GLRA2: variants seen among roughly 807,000 people sequenced by gnomAD.
GLRA2 encodes glycine receptor subunit alpha-2.
In GLRA2, 11 loss-of-function variants were observed where a neutral mutation model predicts 31.6. The ratio of observed to expected loss-of-function variants is 0.35; its 90% CI spans 0.22 to 0.58. The LOEUF (loss-of-function observed/expected upper bound fraction) is 0.58, where lower values mean the gene tolerates loss of function less well. GLRA2 is among the 20% of genes least tolerant of loss of function. The probability of loss-of-function intolerance (pLI) is 0.84; values close to 1 mark genes in which losing one functional copy is unlikely to be tolerated. For synonymous variants in GLRA2, 132 were observed against 134.0 expected, an observed-to-expected ratio of 0.99 and a Z score of 0.10; for missense variants, 212 against 351.8, an observed-to-expected ratio of 0.60 and a Z score of 3.18.
At chrX:14,617,409 C>A (rs751918571) in intron 7 of GLRA2, among the ~76,000 whole-genome samples, 3 of 111,748 alleles carry the variant, frequency 2.7e-5, no homozygotes, top group Non-Finnish European at 5.7e-5. Flanking sequence ...GCAGTAAAGG[C>A]AGATTTTTTT....
the GLRA2 span, among the ~76,000 whole-genome samples, chrX:14,454,579 A>T: frequency 9.1e-6 from 1 of 109,895 alleles, no homozygotes; most frequent in African/African-American, 3.3e-5. Context: ...GTAAAAAAAA[A>T]AAAAAAGCGT....
At chrX:14,607,339 T>C in intron 6 of GLRA2, 71 bp downstream of exon 6, 1 of 835,663 alleles carries the variant, frequency 1.2e-6, no homozygotes, top group East Asian at 3.2e-5. Context: ...GGAGTATACA[T>C]CTCATTACTC....
At chrX:14,547,290 T>A (rs2089495012) in intron 2 of GLRA2, among the ~76,000 whole-genome samples, 1 of 111,245 alleles carries the variant, frequency 9.0e-6, no homozygotes, top group African/African-American at 3.3e-5. Context: ...AGCTGAGCTG[T>A]CACCCAAGGG....
At chrX:14,490,603 C>A in the GLRA2 span, among the ~76,000 whole-genome samples, 5 of 111,970 alleles carry the variant, frequency 4.5e-5, no homozygotes, top group Non-Finnish European at 9.4e-5. Context: ...TATCAGCTTG[C>A]AAAATTCATG....
intron 8 of GLRA2, among the ~76,000 whole-genome samples, chrX:14,696,419 T>C (rs1302470108): frequency 9.0e-6 from 1 of 111,615 alleles, no homozygotes; most frequent in African/African-American, 3.3e-5. Context: ...TGATCATAAA[T>C]AAGCATGTGT....
chrX:14,720,846 G>A, intron 8 of GLRA2, among the ~76,000 whole-genome samples: 1 of 110,845 alleles, frequency 9.0e-6, no homozygotes, highest in South Asian at 3.8e-4. Context: ...ACTGTTGGGG[G>A]CAGGGCTGGG....
the GLRA2 span, among the ~76,000 whole-genome samples, chrX:14,498,509 T>A: frequency 4.5e-5 from 5 of 110,828 alleles, no homozygotes; most frequent in East Asian, 1.4e-3. Flanking sequence ...ATATACATAT[T>A]TTGAGGGCAC....
the GLRA2 span, among the ~76,000 whole-genome samples, chrX:14,516,156 A>T: frequency 9.0e-6 from 1 of 110,972 alleles, no homozygotes; most frequent in African/African-American, 3.3e-5. Flanking sequence ...CATATAGTAG[A>T]GGGTCTTCAA....
chrX:14,658,112 A>G (rs1354972556), intron 7 of GLRA2, among the ~76,000 whole-genome samples: 1 of 111,639 alleles, frequency 9.0e-6, no homozygotes, highest in Non-Finnish European at 1.9e-5. Context: ...CATATTGCAT[A>G]TCTTCCTGAG....
chrX:14,590,530 T>A, intron 4 of GLRA2, among the ~76,000 whole-genome samples: 1 of 112,150 alleles, frequency 8.9e-6, no homozygotes, highest in Non-Finnish European at 1.9e-5. Flanking sequence ...TCTATTTAGA[T>A]GTCAGAGCCA....
At chrX:14,715,746 C>G (rs1170744947) in intron 8 of GLRA2, among the ~76,000 whole-genome samples, 1 of 111,307 alleles carries the variant, frequency 9.0e-6, no homozygotes, top group Non-Finnish European at 1.9e-5. Context: ...GTCATGTAAT[C>G]CTATGAGAGA....
intron 4 of GLRA2, 138 bp from the exon 5 acceptor site, chrX:14,604,177 C>T (rs1601756296): frequency 5.9e-6 from 2 of 341,098 alleles, no homozygotes; most frequent in East Asian, 9.8e-5. Context: ...ACAAAAAGCA[C>T]TGCCCTGAGT....
At chrX:14,530,505 G>A (rs942491679) in intron 1 of GLRA2, among the ~76,000 whole-genome samples, 1 of 111,658 alleles carries the variant, frequency 9.0e-6, no homozygotes, top group African/African-American at 3.3e-5. Context: ...GCAGGAGCAT[G>A]CTCATTTTAG....
Position 14,673,627 on chromosome X carries a change from T to C in GLRA2, c.931-17083T>C, listed in dbSNP as rs1466004430. On this transcript the variant is annotated intron_variant, in intron 7 of 8. Transcript: ENST00000218075. Reference sequence around the variant, plus strand: ...ACCTGTCAGCTCTTCCATATTCCTCTACCCATCACTATAAACCTTACCCAC... The same window carrying C: ...ACCTGTCAGCTCTTCCATATTCCTCCACCCATCACTATAAACCTTACCCAC... Among the ~76,000 whole-genome samples the C allele has an allele frequency of 2.7e-5, 3 of 111,876 alleles. No homozygotes were observed. The Admixed American group carries it at 2.8e-4, about 11-fold the overall frequency.
At chrX:14,512,279 T>TAG in the GLRA2 span, among the ~76,000 whole-genome samples, 1 of 111,367 alleles carries the variant, frequency 9.0e-6, no homozygotes, top group Non-Finnish European at 1.9e-5. Context: ...CTTAAGGTAA[T>TAG]AAAAGCCATC....
At position 14,730,730 on chromosome X, in the gene GLRA2, A is replaced by C. The variant is rs1043870689; in HGVS notation, c.*245A>C. Reference sequence around the variant, plus strand: ...ATAATAATTCCCTTCCATAATCTTTAGCATTGTTCTTTCAGTCAGACATGA... The same window carrying C: ...ATAATAATTCCCTTCCATAATCTTTCGCATTGTTCTTTCAGTCAGACATGA... On this transcript the variant is annotated 3_prime_UTR_variant, in exon 9 of 9. Coordinates refer to ENST00000218075, the MANE Select transcript of GLRA2 (RefSeq NM_002063.4). 5.6e-6 allele frequency: 2 copies of C among 357,792 alleles called. No individual in the cohort carries two copies. Among genetic ancestry groups the C allele is most frequent in the African/African-American group, 5.1e-5 (2 of 38,846 alleles). 29.5% of individuals were successfully genotyped at this position (357,792 alleles called of 1,213,427 possible).
chrX:14,465,420 T>C, the GLRA2 span, among the ~76,000 whole-genome samples: 1 of 112,365 alleles, frequency 8.9e-6, no homozygotes, highest in South Asian at 3.7e-4. Flanking sequence ...GACTTCTTCT[T>C]TCCCAATTTG....
At chrX:14,728,140 G>C (rs2091949136) in intron 8 of GLRA2, among the ~76,000 whole-genome samples, 1 of 111,528 alleles carries the variant, frequency 9.0e-6, no homozygotes, top group Non-Finnish European at 1.9e-5. Context: ...TCTGATTAAA[G>C]GTTACAACTA....
intron 8 of GLRA2, among the ~76,000 whole-genome samples, chrX:14,718,026 A>G (rs966084296): frequency 2.7e-5 from 3 of 110,886 alleles, no homozygotes; most frequent in Non-Finnish European, 3.8e-5. Context: ...TACTGAGATG[A>G]AGTCAAGATG....
Sources: allele counts gnomAD v4.1 joint callset (sites outside exome capture counted in the v4.1 genomes callset), GRCh38; gene constraint gnomAD v4.1.1; transcripts MANE v1.5; gene names NCBI Gene and HGNC (gene_info 2026-07-23, HGNC 2026-07-21).